Variants in XRN1 observed in about 807,000 individuals in gnomAD.
XRN1 encodes the protein 5'-3' exoribonuclease 1.
XRN1 carries 67 observed loss-of-function variants against 222.3 expected under a neutral mutation model. That is an observed-to-expected ratio of 0.30 (90% CI 0.25 to 0.37). XRN1 has a LOEUF of 0.37. XRN1 is among the 10% of genes least tolerant of loss of function. XRN1 has a pLI of 1.00. For synonymous variants in XRN1, 643 were observed against 652.4 expected, an observed-to-expected ratio of 0.99 and a Z score of 0.22; for missense variants, 1,707 against 2,000.2, an observed-to-expected ratio of 0.85 and a Z score of 2.80.
chr3:142,443,482 G>C (rs2070342996), intron 1 of XRN1, among the ~76,000 whole-genome samples: 2 of 152,190 alleles, frequency 1.3e-5, no homozygotes, highest in Admixed American at 6.5e-5. Flanking sequence ...AGGCAAAACA[G>C]GAGGTAAAGA....
At chr3:142,355,909 G>A (rs914414247) in intron 31 of XRN1, among the ~76,000 whole-genome samples, 6 of 151,936 alleles carry the variant, frequency 3.9e-5, no homozygotes, top group East Asian at 3.9e-4. Flanking sequence ...GAGCTACCAC[G>A]TCCACCCCTA....
intron 1 of XRN1, among the ~76,000 whole-genome samples, chr3:142,438,965 A>C (rs2070064304): frequency 6.6e-6 from 1 of 151,948 alleles, no homozygotes; most frequent in African/African-American, 2.4e-5. Flanking sequence ...AACGGTCCAA[A>C]GGAGACAGAC....
chr3:142,375,974 G>GCACGCA (rs1553729275), intron 24 of XRN1, 30 bp from the exon 25 acceptor site: 29 of 1,447,362 alleles, frequency 2.0e-5, no homozygotes, highest in Non-Finnish European at 2.5e-5. Context: ...GCGCACACGT[G>GCACGCA]CACACACACA....
intron 10 of XRN1, among the ~76,000 whole-genome samples, chr3:142,419,626 T>C (rs767057849): frequency 6.6e-6 from 1 of 152,040 alleles, no homozygotes; most frequent in South Asian, 2.1e-4. Flanking sequence ...ATTACCAACA[T>C]AGTGAAACCC....
At chr3:142,371,386 T>A in intron 25 of XRN1, 58 bp from the exon 26 acceptor site, 1 of 1,254,976 alleles carries the variant, frequency 8.0e-7, no homozygotes, top group Non-Finnish European at 1.1e-6. Context: ...TCGGATAAAC[T>A]TCCTACATAA....
At position 142,425,614 on chromosome 3, in the gene XRN1, G is replaced by C. The variant is rs183284270; in HGVS notation, c.407-76C>G. On this transcript the variant is annotated intron_variant, in intron 3 of 40. Transcript: ENST00000392981. ...AAGTTCTCAGTGACAACACATAACTGAATCTGAGTACGCCGGGAATAGCTA... is the reference window on the plus strand; with the variant it reads ...AAGTTCTCAGTGACAACACATAACTCAATCTGAGTACGCCGGGAATAGCTA... 9.7e-5 allele frequency: 119 copies of C among 1,228,178 alleles called. 1 individual carries two copies. The East Asian group carries it at 2.9e-3, about 30-fold the overall frequency. The allele number at this position is 1,228,178 out of a possible 1,614,324, so 76.1% of individuals were successfully genotyped here.
chr3:142,447,898 C>T lies in XRN1; in HGVS notation c.47G>A (p.Cys16Tyr). The change falls in exon 1 of 41, where the codon TGT becomes TAT. Residue 16 changes from cysteine (C) to tyrosine (Y), a missense_variant. By Grantham distance (194) the Cys-to-Tyr change is radical. This residue lies in a region of XRN1 where 1,234 missense variants were observed against 1,518.2 expected (regional missense o/e 0.81). Coordinates refer to ENST00000392981, the MANE Select transcript of XRN1 (RefSeq NM_001282857.2). The surrounding 1 kb of genome is among the most constrained non-coding windows in gnomAD (Gnocchi z 4.2). ...ATGCTCTTTCACCACTTCGCTGAGA[C>T]AGGGATACCGCTCTGAGATCCATCT... ...FYRWISERYP[C>Y]LSEVVKEHQI... 3 of 1,613,966 alleles carry T rather than the reference C, an allele frequency of 1.9e-6. No homozygotes were observed. Among genetic ancestry groups the T allele is most frequent in the Non-Finnish European group, 2.5e-6 (3 of 1,179,972 alleles).
At chr3:142,391,988 T>C (rs1199849616) in intron 20 of XRN1, among the ~76,000 whole-genome samples, 1 of 152,050 alleles carries the variant, frequency 6.6e-6, no homozygotes, top group Non-Finnish European at 1.5e-5. Context: ...TCCTATAAAG[T>C]ACTTCCTTGC....
chr3:142,368,947 A>G (rs2066900437), intron 27 of XRN1, among the ~76,000 whole-genome samples: 2 of 152,196 alleles, frequency 1.3e-5, no homozygotes, highest in African/African-American at 2.4e-5. Flanking sequence ...TTTTGAGGAC[A>G]CTCTGAGGCA....
At chr3:142,366,559 G>A (rs973488400) in intron 27 of XRN1, among the ~76,000 whole-genome samples, 1 of 152,208 alleles carries the variant, frequency 6.6e-6, no homozygotes, top group East Asian at 1.9e-4. Flanking sequence ...AACAAAATAA[G>A]GAAGATATAT....
chr3:142,425,150 C>A, intron 5 of XRN1, 72 bp downstream of exon 5: 1 of 1,077,454 alleles, frequency 9.3e-7, no homozygotes, highest in Non-Finnish European at 1.3e-6. Flanking sequence ...AGTAAGCTTC[C>A]TGTACAAAAT....
chr3:142,412,092 G>A (rs2068607401), intron 15 of XRN1, among the ~76,000 whole-genome samples: 1 of 152,120 alleles, frequency 6.6e-6, no homozygotes, highest in South Asian at 2.1e-4. Flanking sequence ...CCAAAGTGCT[G>A]GGATTACAGG....
In XRN1 at chr3:142,308,194, GT is replaced by G. The variant is rs2065006626; in HGVS notation, c.*3316del. ...AAAAGTGAGTAAAAAAGACCTTACAGTTTATCTATTTCCTTGTGCTAGAAAG... is the reference window on the plus strand; with the variant it reads ...AAAAGTGAGTAAAAAAGACCTTACAGTTATCTATTTCCTTGTGCTAGAAAG... On this transcript the variant is annotated 3_prime_UTR_variant, in exon 41 of 41. Transcript: ENST00000392981. 6.6e-6 allele frequency: 1 copy of G among 152,138 alleles called. No individual in the cohort carries two copies. The highest frequency in any genetic ancestry group is 2.1e-4 in the South Asian group (1 of 4,824). 9.4% of individuals were successfully genotyped at this position (152,138 alleles called of 1,614,324 possible).
intron 13 of XRN1, among the ~76,000 whole-genome samples, chr3:142,416,285 C>A (rs917385782): frequency 4.6e-5 from 7 of 152,068 alleles, no homozygotes; most frequent in Non-Finnish European, 7.4e-5. Flanking sequence ...AAAGTTCAAG[C>A]GATTCTCCAG....
intron 1 of XRN1, 55 bp from the exon 2 acceptor site, chr3:142,432,948 C>T (rs914649412): frequency 6.0e-6 from 8 of 1,339,138 alleles, no homozygotes; most frequent in Non-Finnish European, 8.3e-6. Flanking sequence ...CTACAGATAT[C>T]TTAAGCAGCA....
chr3:142,328,725 A>G (rs1389964373), intron 37 of XRN1, among the ~76,000 whole-genome samples: 2 of 15,272 alleles, frequency 1.3e-4, no homozygotes, highest in African/African-American at 8.2e-4. Flanking sequence ...ATATATATAT[A>G]TATATATATA....
intron 29 of XRN1, among the ~76,000 whole-genome samples, chr3:142,363,047 T>C (rs2066696932): frequency 6.6e-6 from 1 of 152,136 alleles, no homozygotes; most frequent in South Asian, 2.1e-4. Flanking sequence ...AGTGTTGGGA[T>C]TACAAGTGTG....
chr3:142,373,642 C>A (rs552601472), intron 25 of XRN1, among the ~76,000 whole-genome samples: 23 of 152,206 alleles, frequency 1.5e-4, no homozygotes, highest in South Asian at 4.1e-4. Context: ...ATGGCACAGG[C>A]TTTATCAACA....
chr3:142,417,796 G>A (rs866123299), intron 12 of XRN1: 2 of 152,034 alleles, frequency 1.3e-5, no homozygotes, highest in Non-Finnish European at 2.9e-5. Flanking sequence ...ACAGAGCCCT[G>A]GGCTAAAGGC....
Sources: allele counts gnomAD v4.1 joint callset (sites outside exome capture counted in the v4.1 genomes callset), GRCh38; gene constraint gnomAD v4.1.1; regional missense constraint gnomAD v4.1.1; non-coding constraint Gnocchi (gnomAD v3.1); transcripts MANE v1.5; gene names NCBI Gene and HGNC (gene_info 2026-07-23, HGNC 2026-07-21).